CNTNAP2: variants seen among roughly 807,000 people sequenced by gnomAD.
CNTNAP2 encodes the protein contactin associated protein 2.
A neutral mutation model predicts 155.2 loss-of-function variants in CNTNAP2; 98 were observed. The ratio of observed to expected loss-of-function variants is 0.63; its 90% CI spans 0.54 to 0.75. The LOEUF (loss-of-function observed/expected upper bound fraction) is 0.75, where lower values mean the gene tolerates loss of function less well. Ranked by LOEUF, CNTNAP2 falls within the 30% of genes least tolerant of loss-of-function variation. The probability of loss-of-function intolerance (pLI) is 0.00; values close to 1 mark genes in which losing one functional copy is unlikely to be tolerated. For missense variants in CNTNAP2, 1,727 were observed against 1,688.1 expected, an observed-to-expected ratio of 1.02 and a Z score of -0.40; for synonymous variants, 651 against 631.2, an observed-to-expected ratio of 1.03 and a Z score of -0.47.
At chr7:146,554,626 T>G (rs918319885) in intron 1 of CNTNAP2, among the ~76,000 whole-genome samples, 1 of 152,212 alleles carries the variant, frequency 6.6e-6, no homozygotes, top group African/African-American at 2.4e-5. Context: ...ATTTTTGGCT[T>G]TCTGAGGAGT....
chr7:147,075,521 A>G (rs901613320), intron 4 of CNTNAP2, among the ~76,000 whole-genome samples: 5 of 152,158 alleles, frequency 3.3e-5, no homozygotes, highest in African/African-American at 1.2e-4. Context: ...GAAAATTCAT[A>G]AGATTATGTC....
chr7:147,977,657 G>A (rs1216905045), intron 14 of CNTNAP2, among the ~76,000 whole-genome samples: 4 of 152,162 alleles, frequency 2.6e-5, no homozygotes, highest in African/African-American at 9.7e-5. Flanking sequence ...TTTTCCAGAA[G>A]ATGAAGATGC....
intron 1 of CNTNAP2, among the ~76,000 whole-genome samples, chr7:146,708,454 A>C (rs953902593): frequency 2.0e-5 from 3 of 151,826 alleles, no homozygotes; most frequent in Non-Finnish European, 2.9e-5. Context: ...ATAATTTTTA[A>C]ATAATTAATT....
At chr7:147,446,685 C>G (rs1312218364) in intron 10 of CNTNAP2, among the ~76,000 whole-genome samples, 1 of 152,222 alleles carries the variant, frequency 6.6e-6, no homozygotes, top group Admixed American at 6.5e-5. Context: ...CTTTAACATA[C>G]AGTGAGTATT....
chr7:146,655,743 A>G (rs185453168), intron 1 of CNTNAP2, among the ~76,000 whole-genome samples: 122 of 152,238 alleles, frequency 8.0e-4, no homozygotes, highest in African/African-American at 2.8e-3. Context: ...TTGATTTTCT[A>G]TTTATCTGTG....
chr7:146,164,843 TG>T (rs1798288209), intron 1 of CNTNAP2, among the ~76,000 whole-genome samples: 1 of 152,170 alleles, frequency 6.6e-6, no homozygotes, highest in Non-Finnish European at 1.5e-5. Flanking sequence ...CTCATCTTTC[TG>T]GGAGTTCTTT....
At chr7:147,471,236 A>G (rs1053608602) in intron 10 of CNTNAP2, among the ~76,000 whole-genome samples, 1 of 152,334 alleles carries the variant, frequency 6.6e-6, no homozygotes. Flanking sequence ...GCACTCTTGC[A>G]TACAAAGTTT....
intron 21 of CNTNAP2, among the ~76,000 whole-genome samples, chr7:148,308,470 T>A (rs1384555050): frequency 2.6e-5 from 4 of 152,092 alleles, no homozygotes; most frequent in Admixed American, 6.5e-5. Flanking sequence ...TGGCATTTTT[T>A]AAAAAGTAGA....
chr7:147,235,955 A>G (rs1803795087), intron 8 of CNTNAP2, among the ~76,000 whole-genome samples: 1 of 152,196 alleles, frequency 6.6e-6, no homozygotes, highest in South Asian at 2.1e-4. Context: ...AGTACTTCCA[A>G]TGCCAACCCA....
chr7:148,169,612 T>C (rs917603134), intron 17 of CNTNAP2, among the ~76,000 whole-genome samples: 1 of 152,218 alleles, frequency 6.6e-6, no homozygotes, highest in Non-Finnish European at 1.5e-5. Flanking sequence ...ATTCACAGAA[T>C]AGGATGCTAT....
chr7:146,910,659 A>T (rs1202135121), intron 3 of CNTNAP2, among the ~76,000 whole-genome samples: 1 of 150,510 alleles, frequency 6.6e-6, no homozygotes, highest in African/African-American at 2.5e-5. Context: ...TCAATTCAAG[A>T]TGGATCAAAG....
intron 15 of CNTNAP2, among the ~76,000 whole-genome samples, chr7:148,062,926 C>T (rs893252949): frequency 6.6e-6 from 1 of 151,870 alleles, no homozygotes; most frequent in Non-Finnish European, 1.5e-5. Context: ...AGGAGAACAC[C>T]ACAAATAATC....
intron 1 of CNTNAP2, among the ~76,000 whole-genome samples, chr7:146,257,732 G>A (rs1038559507): frequency 1.3e-5 from 2 of 152,180 alleles, no homozygotes; most frequent in Admixed American, 6.5e-5. Context: ...AAGTTTTCAG[G>A]TGATAATAAG....
chr7:146,811,600 C>A (rs767617984), intron 2 of CNTNAP2, among the ~76,000 whole-genome samples: 2 of 151,856 alleles, frequency 1.3e-5, no homozygotes, highest in African/African-American at 4.8e-5. Context: ...TTGATCTTTT[C>A]TATAGGCTTT....
rs75123973 is a variant in CNTNAP2, at chr7:146,876,879, T to G, written c.402+36975T>G. Among the ~76,000 whole-genome samples, 103 of 152,288 alleles carry G rather than the reference T, an allele frequency of 6.8e-4. No homozygotes were observed. The East Asian group carries it at 0.019, about 28-fold the overall frequency. On this transcript the variant is annotated intron_variant, in intron 3 of 23. Transcript: ENST00000361727. Reference sequence around the variant, plus strand: ...CACATTTTTTCCTCTGTCATACCCATGCATATTGGTTGTTCTAGATTAGAT... The same window carrying G: ...CACATTTTTTCCTCTGTCATACCCAGGCATATTGGTTGTTCTAGATTAGAT...
intron 11 of CNTNAP2, among the ~76,000 whole-genome samples, chr7:147,504,419 T>C (rs1239145421): frequency 6.6e-6 from 1 of 152,094 alleles, no homozygotes; most frequent in Non-Finnish European, 1.5e-5. Context: ...CCGGGCACAG[T>C]GGCTCACTTC....
At chr7:148,284,755 G>T (rs2116469445) in intron 21 of CNTNAP2, among the ~76,000 whole-genome samples, 1 of 152,198 alleles carries the variant, frequency 6.6e-6, no homozygotes, top group Admixed American at 6.6e-5. Context: ...ATGTAATCTT[G>T]CTAACGACCT....
chr7:146,232,321 T>A (rs1450430722), intron 1 of CNTNAP2, among the ~76,000 whole-genome samples: 1 of 126,730 alleles, frequency 7.9e-6, no homozygotes, highest in Non-Finnish European at 1.8e-5. Context: ...AATTGACAGA[T>A]AAATTGCATG....
chr7:148,373,857 G>A (rs1225139707), intron 21 of CNTNAP2, among the ~76,000 whole-genome samples: 1 of 152,224 alleles, frequency 6.6e-6, no homozygotes, highest in Admixed American at 6.5e-5. Context: ...TCTCCGGACT[G>A]TGTCCCTTGG....
Sources: allele counts gnomAD v4.1 joint callset (sites outside exome capture counted in the v4.1 genomes callset), GRCh38; gene constraint gnomAD v4.1.1; transcripts MANE v1.5; gene names NCBI Gene and HGNC (gene_info 2026-07-23, HGNC 2026-07-21).